Variants in USP6NL observed in about 807,000 individuals in gnomAD.
USP6NL encodes the protein USP6 N-terminal-like protein.
In USP6NL, 26 loss-of-function variants were observed where a neutral mutation model predicts 61.9. The observed-to-expected ratio is 0.42, with a 90% confidence interval of 0.31 to 0.58. The LOEUF is 0.58. Among genes scored for constraint, USP6NL ranks in the 20% least tolerant of loss-of-function variants. The probability of loss-of-function intolerance (pLI) is 0.16; values close to 1 mark genes in which losing one functional copy is unlikely to be tolerated. For missense variants in USP6NL, 1,114 were observed against 1,034.3 expected, an observed-to-expected ratio of 1.08 and a Z score of -1.06; for synonymous variants, 432 against 390.1, an observed-to-expected ratio of 1.11 and a Z score of -1.27.
chr10:11,533,562 A>C (rs1835733341), intron 2 of USP6NL, among the ~76,000 whole-genome samples: 1 of 152,198 alleles, frequency 6.6e-6, no homozygotes, highest in African/African-American at 2.4e-5. Context: ...AGGCAGTGTG[A>C]TGGTGGAAGC....
chr10:11,527,516 A>G lies in USP6NL; in HGVS notation c.56T>C (p.Val19Ala). The part of the protein sequence containing the change: ...LKLAQERAEI[V>A]AKYDRGREGA... ...GATACTTACTCTGTCATATTTAGCAACTATTTCAGCTCGCTCCTGGGCAAG... is the reference window on the plus strand; with the variant it reads ...GATACTTACTCTGTCATATTTAGCAGCTATTTCAGCTCGCTCCTGGGCAAG... The change falls in exon 3 of 15, where the codon GTT (valine) becomes GCT (alanine). Residue 19 changes from valine to alanine, a missense_variant. Coordinates refer to ENST00000609104, the MANE Select transcript of USP6NL (RefSeq NM_014688.5). 6.2e-7 allele frequency: 1 copy of G among 1,607,542 alleles called. No homozygotes were observed. Among genetic ancestry groups the G allele is most frequent in the Non-Finnish European group, 8.5e-7 (1 of 1,176,680 alleles).
At chr10:11,504,520 G>A (rs1034652978) in intron 6 of USP6NL, among the ~76,000 whole-genome samples, 1 of 152,112 alleles carries the variant, frequency 6.6e-6, no homozygotes, top group Non-Finnish European at 1.5e-5. Context: ...TTACAAATTC[G>A]GGGACTTTCT....
At chr10:11,601,408 G>GT (rs1838526488) in intron 1 of USP6NL, among the ~76,000 whole-genome samples, 1 of 152,220 alleles carries the variant, frequency 6.6e-6, no homozygotes, top group South Asian at 2.1e-4. Flanking sequence ...CAAGCCAGTG[G>GT]TAGGATGGAG....
Position 11,474,162 on chromosome 10 carries a change from T to C in USP6NL, c.1078+7608A>G, listed in dbSNP as rs1315899959. Among the ~76,000 whole-genome samples, 1 of 152,254 alleles carries C rather than the reference T, an allele frequency of 6.6e-6. No homozygotes were observed. The highest frequency in any genetic ancestry group is 6.5e-5 in the Admixed American group (1 of 15,292). On this transcript the variant is annotated intron_variant, in intron 14 of 14. Coordinates refer to ENST00000609104, the MANE Select transcript of USP6NL (RefSeq NM_014688.5). The surrounding 1 kb of genome is among the most constrained non-coding windows in gnomAD (Gnocchi z 4.9). ...AAAGTTTAAGAGAATCAAAGGTGAT[T>C]AATTCTGTAGTTTTTTGCATTAAGG... is the stretch of plus-strand genomic sequence containing the variant.
intron 14 of USP6NL, among the ~76,000 whole-genome samples, chr10:11,477,918 T>C (rs1196870740): frequency 1.3e-5 from 2 of 152,196 alleles, no homozygotes; most frequent in Non-Finnish European, 2.9e-5. Context: ...AAAACAGTAA[T>C]AGATGAATAC....
At chr10:11,558,512 C>G (rs1399610828) in intron 2 of USP6NL, among the ~76,000 whole-genome samples, 1 of 152,108 alleles carries the variant, frequency 6.6e-6, no homozygotes, top group East Asian at 1.9e-4. Context: ...AGGATAAATC[C>G]CAGTGTGTCA....
At position 11,499,834 on chromosome 10, in the gene USP6NL, G is replaced by C. The variant is rs1318885794; in HGVS notation, c.384+1267C>G. Among the ~76,000 whole-genome samples the C allele has an allele frequency of 6.6e-6, 1 of 152,218 alleles. No individual in the cohort carries two copies. Among genetic ancestry groups the C allele is most frequent in the African/African-American group, 2.4e-5 (1 of 41,454 alleles). The stretch of plus-strand genomic sequence containing the variant: ...TCTGTTGTTTTGAGCCGCTTAGTTT[G>C]TGGTACTTGGTTACAGCAGCCCTAA... On this transcript the variant is annotated intron_variant, in intron 7 of 14. Coordinates refer to ENST00000609104, the MANE Select transcript of USP6NL (RefSeq NM_014688.5). This position sits in a 1 kb window ranked among gnomAD's most constrained non-coding sequence, Gnocchi z 4.5.
At chr10:11,519,564 A>T (rs1033903278) in intron 4 of USP6NL, among the ~76,000 whole-genome samples, 1 of 152,186 alleles carries the variant, frequency 6.6e-6, no homozygotes, top group African/African-American at 2.4e-5. Flanking sequence ...CGGGAGGTGG[A>T]GGTTGCAGTG....
rs1832718122 is a variant in USP6NL at position 11,470,971 on chromosome 10, G to A, written c.1079-7122C>T. 6.6e-6 allele frequency among the ~76,000 whole-genome samples: 1 copy of A among 152,088 alleles called. No homozygotes were observed. The highest frequency in any genetic ancestry group is 2.4e-5 in the African/African-American group (1 of 41,410). On this transcript the variant is annotated intron_variant, in intron 14 of 14. Transcript: ENST00000609104. The surrounding 1 kb of genome is among the most constrained non-coding windows in gnomAD (Gnocchi z 5.4). ...GAGGCCGAGGTGGGCGGATCACGAG[G>A]TCAGGAGATGGAGACCATCCCGGCC...
intron 2 of USP6NL, among the ~76,000 whole-genome samples, chr10:11,582,269 T>G (rs1339976905): frequency 1.3e-5 from 2 of 152,178 alleles, no homozygotes; most frequent in Non-Finnish European, 2.9e-5. Flanking sequence ...CCCAGCCAAT[T>G]TTTTTATTTT....
At chr10:11,494,492 C>A (rs979964246) in intron 7 of USP6NL, among the ~76,000 whole-genome samples, 1 of 152,096 alleles carries the variant, frequency 6.6e-6, no homozygotes, top group Admixed American at 6.5e-5. Context: ...CGAGAGAGTG[C>A]AGAAATAAAG....
chr10:11,577,829 C>T (rs1448961915), intron 2 of USP6NL, among the ~76,000 whole-genome samples: 2 of 152,160 alleles, frequency 1.3e-5, no homozygotes, highest in Non-Finnish European at 2.9e-5. Flanking sequence ...AGCCACTGTG[C>T]CTGGCCTTGT....
intron 2 of USP6NL, chr10:11,573,337 G>A: frequency 3.6e-6 from 1 of 278,758 alleles, no homozygotes; most frequent in East Asian, 6.2e-5. Context: ...TTTAAAACAT[G>A]AAAAGTACTA....
rs994773582 is a variant in USP6NL, at chr10:11,511,374, T to C, written c.196-1699A>G. On this transcript the variant is annotated intron_variant, in intron 5 of 14. Coordinates refer to ENST00000609104, the MANE Select transcript of USP6NL (RefSeq NM_014688.5). This position sits in a 1 kb window ranked among gnomAD's most constrained non-coding sequence, Gnocchi z 4.9. ...GGCACTGAAATCTAATTAATGTTTCTGCTAAATGTGACTTTAGAGAAGGCC... is the reference window on the plus strand; with the variant it reads ...GGCACTGAAATCTAATTAATGTTTCCGCTAAATGTGACTTTAGAGAAGGCC... Among the ~76,000 whole-genome samples, 3 of 152,366 alleles carry C rather than the reference T, an allele frequency of 2.0e-5. No individual in the cohort carries two copies. Among genetic ancestry groups the C allele is most frequent in the African/African-American group, 7.2e-5 (3 of 41,594 alleles).
chr10:11,499,486 C>A lies in USP6NL; in HGVS notation c.384+1615G>T, dbSNP rs988382911. Among the ~76,000 whole-genome samples, 1 of 152,202 alleles carries A rather than the reference C, an allele frequency of 6.6e-6. No individual in the cohort carries two copies. The highest frequency in any genetic ancestry group is 1.5e-5 in the Non-Finnish European group (1 of 68,036). The stretch of plus-strand genomic sequence containing the variant: ...TCCAAAACTCATGTCCACCAAGAAC[C>A]TGTGACTGTGACCTCATCTGGAAAT... On this transcript the variant is annotated intron_variant, in intron 7 of 14. Transcript: ENST00000609104. The surrounding 1 kb of genome is among the most constrained non-coding windows in gnomAD (Gnocchi z 4.5).
At position 11,520,049 on chromosome 10, in the gene USP6NL, C is replaced by T. The variant is rs1048859253; in HGVS notation, c.156-1475G>A. On this transcript the variant is annotated intron_variant, in intron 4 of 14. Coordinates refer to ENST00000609104, the MANE Select transcript of USP6NL (RefSeq NM_014688.5). This position sits in a 1 kb window ranked among gnomAD's most constrained non-coding sequence, Gnocchi z 5.2. ...CACAAAACTAACACAAAAGAATAAC[C>T]GCCAAAAGAGATCTTAGAGTCCAAA... Among the ~76,000 whole-genome samples the T allele has an allele frequency of 6.6e-6, 1 of 152,096 alleles. No individual in the cohort carries two copies. Among genetic ancestry groups the T allele is most frequent in the African/African-American group, 2.4e-5 (1 of 41,412 alleles).
intron 2 of USP6NL, among the ~76,000 whole-genome samples, chr10:11,535,730 C>A: frequency 6.6e-6 from 1 of 152,202 alleles, no homozygotes; most frequent in East Asian, 1.9e-4. Context: ...CAACCAAATT[C>A]ACTGGCGCCT....
intron 3 of USP6NL, among the ~76,000 whole-genome samples, chr10:11,526,145 T>C (rs759312560): frequency 6.6e-6 from 1 of 152,224 alleles, no homozygotes; most frequent in Non-Finnish European, 1.5e-5. Flanking sequence ...TCATTGATGG[T>C]GTGCCCAAAG....
At position 11,591,098 on chromosome 10, in the gene USP6NL, C is replaced by A. The variant is rs1588417099; in HGVS notation, c.4+6533G>T. ...TGTGTGGGGAGGGGGTTAAAGAAGT[C>A]AAGCCACTTGCCATACATAACGTGG... is the stretch of plus-strand genomic sequence containing the variant. On this transcript the variant is annotated intron_variant, in intron 2 of 14. Coordinates refer to ENST00000609104, the MANE Select transcript of USP6NL (RefSeq NM_014688.5). This position sits in a 1 kb window ranked among gnomAD's most constrained non-coding sequence, Gnocchi z 4.7. Among the ~76,000 whole-genome samples, 1 of 152,150 alleles carries A rather than the reference C, an allele frequency of 6.6e-6. No individual in the cohort carries two copies. The highest frequency in any genetic ancestry group is 2.1e-4 in the South Asian group (1 of 4,828).
Sources: allele counts gnomAD v4.1 joint callset (sites outside exome capture counted in the v4.1 genomes callset), GRCh38; gene constraint gnomAD v4.1.1; non-coding constraint Gnocchi (gnomAD v3.1); transcripts MANE v1.5; gene names NCBI Gene and HGNC (gene_info 2026-07-23, HGNC 2026-07-21).